RAD54B: variants seen among roughly 807,000 people sequenced by gnomAD.
RAD54B encodes the protein DNA repair and recombination protein RAD54B.
RAD54B carries 78 observed loss-of-function variants against 95.8 expected under a neutral mutation model. That is an observed-to-expected ratio of 0.81 (90% CI 0.68 to 0.98). The LOEUF (loss-of-function observed/expected upper bound fraction) is 0.98. Ranked by LOEUF, RAD54B falls within the 50% of genes least tolerant of loss-of-function variation. RAD54B has a pLI of 0.00. For synonymous variants in RAD54B, 328 were observed against 354.9 expected (o/e 0.92, Z 0.85); for missense variants, 957 against 1,056.6 (o/e 0.91, Z 1.31).
At chr8:94,473,504 A>G (rs1475994984) in intron 1 of RAD54B, among the ~76,000 whole-genome samples, 1 of 152,188 alleles carries the variant, frequency 6.6e-6, no homozygotes, top group African/African-American at 2.4e-5. Flanking sequence ...TGTTGGGAGG[A>G]TTAAATGAAA....
intron 3 of RAD54B, chr8:94,427,932 A>T (rs199723108): frequency 3.8e-6 from 1 of 261,634 alleles, no homozygotes; most frequent in Non-Finnish European, 4.6e-6. Context: ...ATGACTCCTT[A>T]AAAAAAAAAA....
At chr8:94,394,452 A>G (rs574830245) in intron 8 of RAD54B, among the ~76,000 whole-genome samples, 1 of 152,256 alleles carries the variant, frequency 6.6e-6, no homozygotes, top group African/African-American at 2.4e-5. Context: ...AAATTCCCAG[A>G]ATAATTATAA....
At chr8:94,466,580 G>T (rs985055875) in intron 2 of RAD54B, among the ~76,000 whole-genome samples, 3 of 151,896 alleles carry the variant, frequency 2.0e-5, no homozygotes, top group Admixed American at 2.0e-4. Context: ...GCTAGTTTTT[G>T]TATTTTTAGT....
At chr8:94,384,694 TAAAGA>T (rs1563636485) in intron 11 of RAD54B, among the ~76,000 whole-genome samples, 1 of 152,172 alleles carries the variant, frequency 6.6e-6, no homozygotes, top group Admixed American at 6.5e-5. Context: ...AATTTTTTTT[TAAAGA>T]AAAGGCGATC....
intron 14 of RAD54B, among the ~76,000 whole-genome samples, chr8:94,375,915 G>C (rs1810556408): frequency 6.6e-6 from 1 of 150,984 alleles, no homozygotes; most frequent in Non-Finnish European, 1.5e-5. Flanking sequence ...GATAAGGGTA[G>C]AGTAGGAGGT....
intron 3 of RAD54B, chr8:94,430,351 G>A (rs1018371867): frequency 2.0e-6 from 2 of 981,918 alleles, no homozygotes; most frequent in Non-Finnish European, 2.4e-6. Context: ...TTCATAATCT[G>A]GTATCAACCA....
At position 94,468,491 on chromosome 8, in the gene RAD54B, T is replaced by C. The variant is rs115858971; in HGVS notation, c.-16-936A>G. On this transcript the variant is annotated intron_variant, in intron 1 of 14. Transcript: ENST00000336148. ...TGAAAGGATGAGGCCGGAGGATCCC[T>C]TGAACCTAGGAGCTTCGTCTCTATT... 9.8e-3 allele frequency among the ~76,000 whole-genome samples: 1,481 copies of C among 151,696 alleles called. 20 individuals carry two copies. The highest frequency in any genetic ancestry group is 0.033 in the African/African-American group (1,346 of 41,346).
chr8:94,411,183 A>C lies in RAD54B; in HGVS notation c.437T>G (p.Val146Gly). The change falls in exon 4 of 15, where the codon GTT becomes GGT. Residue 146 changes from valine (V) to glycine (G), a missense_variant. By Grantham distance (109) the Val-to-Gly change is moderately radical. Transcript: ENST00000336148. ...AAATGACTTTCCTTTTACAATAAGAACAGCATCACCTTCCCACTTTTTATG... is the reference window on the plus strand; with the variant it reads ...AAATGACTTTCCTTTTACAATAAGACCAGCATCACCTTCCCACTTTTTATG... ...KKHKKWEGDA[V>G]LIVKGKSFIL... The C allele has an allele frequency of 1.9e-6, 3 of 1,611,488 alleles. No individual in the cohort carries two copies. Among genetic ancestry groups the C allele is most frequent in the Non-Finnish European group, 2.5e-6 (3 of 1,179,072 alleles).
At position 94,404,191 on chromosome 8, in the gene RAD54B, T is replaced by C. The variant is rs774638198; in HGVS notation, c.830A>G (p.Asn277Ser). The C allele has an allele frequency of 2.5e-6, 4 of 1,611,018 alleles. No individual in the cohort carries two copies. The highest frequency in any genetic ancestry group is 2.2e-5 in the East Asian group (1 of 44,778). The change falls in exon 6 of 15, where the codon AAT (asparagine) becomes AGT (serine). Residue 277 changes from asparagine to serine, a missense_variant. By Grantham distance (46) the Asn-to-Ser change is conservative. Transcript: ENST00000336148. The stretch of plus-strand genomic sequence containing the variant: ...ATCCACAAGAGGGAAACAGTTCTTA[T>C]TGAATACCCACTGGTGATTCTTATC... ...RPDKNHQWVF[N>S]KNCFPLVDVV...
At chr8:94,410,664 A>G (rs1206687598) in intron 4 of RAD54B, among the ~76,000 whole-genome samples, 1 of 152,150 alleles carries the variant, frequency 6.6e-6, no homozygotes, top group Non-Finnish European at 1.5e-5. Context: ...CCATATGTTA[A>G]TCTAGGTCAG....
intron 1 of RAD54B, among the ~76,000 whole-genome samples, chr8:94,470,398 C>T (rs1012996940): frequency 1.3e-5 from 2 of 152,276 alleles, no homozygotes; most frequent in South Asian, 4.2e-4. Context: ...CAGTTCAAGA[C>T]CAGCCTCATC....
chr8:94,389,691 C>T (rs1443543067), intron 10 of RAD54B, among the ~76,000 whole-genome samples: 5 of 152,178 alleles, frequency 3.3e-5, no homozygotes, highest in African/African-American at 9.7e-5. Context: ...AACATAGTTA[C>T]AAGCCATTGC....
chr8:94,390,573 GA>G (rs1431009279), intron 10 of RAD54B, among the ~76,000 whole-genome samples: 1 of 147,522 alleles, frequency 6.8e-6, no homozygotes, highest in Non-Finnish European at 1.5e-5. Context: ...TATATATATA[GA>G]TTATATATAG....
chr8:94,462,214 G>A (rs967560092), intron 2 of RAD54B, among the ~76,000 whole-genome samples: 1 of 152,138 alleles, frequency 6.6e-6, no homozygotes, highest in Non-Finnish European at 1.5e-5. Flanking sequence ...ATTACCAGAG[G>A]TATTAACTTT....
chr8:94,395,551 T>C (rs1811124102), intron 8 of RAD54B, among the ~76,000 whole-genome samples: 1 of 152,196 alleles, frequency 6.6e-6, no homozygotes. Context: ...GAAGGGGTTC[T>C]AAGTTGTTTA....
intron 3 of RAD54B, among the ~76,000 whole-genome samples, chr8:94,419,692 A>G (rs1250335389): frequency 6.6e-6 from 1 of 151,430 alleles, no homozygotes; most frequent in Non-Finnish European, 1.5e-5. Flanking sequence ...AATATTTTAA[A>G]TAAACCCAGG....
chr8:94,430,130 A>T, intron 3 of RAD54B: 1 of 703,544 alleles, frequency 1.4e-6, no homozygotes, highest in Non-Finnish European at 1.7e-6. Context: ...TGGCTAACAC[A>T]GTGAAACCCC....
chr8:94,440,446 T>G (rs1419339844), intron 3 of RAD54B, among the ~76,000 whole-genome samples: 2 of 152,228 alleles, frequency 1.3e-5, no homozygotes, highest in African/African-American at 4.8e-5. Context: ...TGAAAAGGTA[T>G]CATGGATATA....
At position 94,378,601 on chromosome 8, in the gene RAD54B, A is replaced by T; in HGVS notation, c.2281T>A (p.Tyr761Asn). The T allele has an allele frequency of 6.2e-7, 1 of 1,610,460 alleles. No homozygotes were observed. Residue 761 changes from tyrosine to asparagine, a missense_variant, in exon 13 of 15, where the codon TAT becomes AAT. Transcript: ENST00000336148. Reference protein sequence around the residue: ...MSRVWRDGQKYPVHIYRLLTT... With the variant: ...MSRVWRDGQKNPVHIYRLLTT... ...AGGAGTCTGTAAATATGTACAGGAT[A>T]TTTCTGACCATCTCTCCATACTCTA...
Sources: gnomAD v4.1 joint callset for allele counts (sites outside exome capture counted in the v4.1 genomes callset) on GRCh38, gnomAD v4.1.1 for gene constraint, MANE v1.5 for transcripts, NCBI Gene and HGNC (gene_info 2026-07-23, HGNC 2026-07-21) for gene names.